OPCML: variants seen among roughly 807,000 people sequenced by gnomAD.
OPCML encodes the protein opioid-binding protein/cell adhesion molecule.
In OPCML, 13 loss-of-function variants were observed where a neutral mutation model predicts 37.8. The observed-to-expected ratio is 0.34, with a 90% CI of 0.22 to 0.55. The LOEUF (loss-of-function observed/expected upper bound fraction) is 0.55. Among genes scored for constraint, OPCML ranks in the 20% least tolerant of loss-of-function variants. The probability of loss-of-function intolerance (pLI) is 0.91; values close to 1 mark genes in which losing one functional copy is unlikely to be tolerated. For missense variants in OPCML, 341 were observed against 435.6 expected (o/e 0.78, Z 1.93); for synonymous variants, 176 against 168.8 (o/e 1.04, Z -0.33).
chr11:132,717,628 C>T (rs1246305584), intron 2 of OPCML, among the ~76,000 whole-genome samples: 6 of 151,942 alleles, frequency 3.9e-5, no homozygotes, highest in African/African-American at 7.3e-5. Context: ...TAACATATAT[C>T]GTATTGTAGT....
chr11:133,310,480 T>C (rs1943041386), intron 1 of OPCML, among the ~76,000 whole-genome samples: 3 of 152,186 alleles, frequency 2.0e-5, no homozygotes, highest in African/African-American at 7.2e-5. Context: ...AGTTATACTT[T>C]ATGGCATAAG....
At chr11:132,522,014 G>T (rs2096295128) in intron 4 of OPCML, among the ~76,000 whole-genome samples, 1 of 152,140 alleles carries the variant, frequency 6.6e-6, no homozygotes, top group Admixed American at 6.5e-5. Context: ...ACTGGCAACT[G>T]CTGGCCTGTT....
chr11:132,996,595 G>A (rs1325493456), intron 1 of OPCML, among the ~76,000 whole-genome samples: 1 of 148,510 alleles, frequency 6.7e-6, no homozygotes, highest in African/African-American at 2.5e-5. Context: ...CTCCAGCCTG[G>A]GCAACAGAGA....
chr11:132,807,249 A>G (rs1421781564), intron 2 of OPCML, among the ~76,000 whole-genome samples: 3 of 152,190 alleles, frequency 2.0e-5, no homozygotes, highest in Non-Finnish European at 4.4e-5. Context: ...TGGAAATACG[A>G]ATACAATTTA....
intron 2 of OPCML, among the ~76,000 whole-genome samples, chr11:132,737,867 A>G (rs1445656322): frequency 6.6e-6 from 1 of 152,234 alleles, no homozygotes; most frequent in Non-Finnish European, 1.5e-5. Context: ...GCAACCAGAG[A>G]TCAAAAGTGG....
At chr11:133,476,972 C>T (rs1371327259) in intron 1 of OPCML, among the ~76,000 whole-genome samples, 1 of 152,134 alleles carries the variant, frequency 6.6e-6, no homozygotes, top group Non-Finnish European at 1.5e-5. Context: ...AGGGGAGAGG[C>T]GGATAAGACT....
At chr11:133,341,203 A>G (rs933198232) in intron 1 of OPCML, among the ~76,000 whole-genome samples, 19 of 152,218 alleles carry the variant, frequency 1.2e-4, no homozygotes, top group Non-Finnish European at 5.9e-5. Flanking sequence ...GTCAACCAAA[A>G]AATGTTAAGC....
intron 4 of OPCML, among the ~76,000 whole-genome samples, chr11:132,494,627 G>T (rs11223090): frequency 3.2e-4 from 49 of 152,244 alleles, no homozygotes; most frequent in African/African-American, 1.1e-3. Context: ...GGAAAAAAAA[G>T]AACTCTAGAA....
chr11:132,471,093 C>G (rs80049234), intron 4 of OPCML, among the ~76,000 whole-genome samples: 16,550 of 152,156 alleles, frequency 0.11, 1,586 homozygotes, highest in East Asian at 0.42. Context: ...GTTAAATGAG[C>G]ATCAAAAAAT....
At chr11:133,340,635 TG>T (rs1407851641) in intron 1 of OPCML, among the ~76,000 whole-genome samples, 1 of 151,292 alleles carries the variant, frequency 6.6e-6, no homozygotes, top group Non-Finnish European at 1.5e-5. Flanking sequence ...TGTGTGTGTG[TG>T]TGTGTGTGTG....
chr11:133,364,764 T>G (rs2136731480), intron 1 of OPCML, among the ~76,000 whole-genome samples: 1 of 151,986 alleles, frequency 6.6e-6, no homozygotes, highest in East Asian at 1.9e-4. Flanking sequence ...TAGTGAGAAC[T>G]CTGAATTTTT....
At chr11:133,117,756 A>T (rs1949358963) in intron 1 of OPCML, 1 of 972,620 alleles carries the variant, frequency 1.0e-6, no homozygotes, top group South Asian at 4.8e-5. Flanking sequence ...GTAATGTACA[A>T]TTGCAATGGA....
chr11:132,933,199 T>C (rs4075476), intron 2 of OPCML, among the ~76,000 whole-genome samples: 49,162 of 151,914 alleles, frequency 0.32, 8,151 homozygotes, highest in Middle Eastern at 0.36. Context: ...AGGAGATGGG[T>C]CCATGAATCC....
Position 133,205,610 on chromosome 11 carries a change from G to A in OPCML, c.62-262600C>T, listed in dbSNP as rs1015144610. Among the ~76,000 whole-genome samples the A allele has an allele frequency of 2.6e-5, 4 of 152,190 alleles. No homozygotes were observed. The highest frequency in any genetic ancestry group is 6.5e-5 in the Admixed American group (1 of 15,288). The stretch of plus-strand genomic sequence containing the variant: ...GAATTGGAGAACGCCCAGTCCTCAC[G>A]ATCATTGCTCAGTTGGTGTGTGGGG... On this transcript the variant is annotated intron_variant, in intron 1 of 7. Transcript: ENST00000524381. The surrounding 1 kb of genome is among the most constrained non-coding windows in gnomAD (Gnocchi z 4.8).
At chr11:133,401,022 G>A (rs908447222) in intron 1 of OPCML, among the ~76,000 whole-genome samples, 3 of 152,138 alleles carry the variant, frequency 2.0e-5, no homozygotes, top group African/African-American at 7.2e-5. Flanking sequence ...CATAAGTTTA[G>A]TTTTCTCCAA....
intron 1 of OPCML, among the ~76,000 whole-genome samples, chr11:133,460,589 A>G (rs1459654168): frequency 6.6e-6 from 1 of 151,944 alleles, no homozygotes; most frequent in Admixed American, 6.6e-5. Flanking sequence ...TTGGATTACC[A>G]AATGAAATGA....
chr11:132,961,826 T>C (rs1216039836), intron 1 of OPCML, among the ~76,000 whole-genome samples: 1 of 152,242 alleles, frequency 6.6e-6, no homozygotes, highest in East Asian at 1.9e-4. Flanking sequence ...TAGCTCCTGT[T>C]GCTTCTGCCA....
chr11:132,732,559 G>T (rs187649797), intron 2 of OPCML, among the ~76,000 whole-genome samples: 3 of 152,282 alleles, frequency 2.0e-5, no homozygotes, highest in Non-Finnish European at 4.4e-5. Context: ...TAGTTAAAAT[G>T]ATGATGATAA....
intron 1 of OPCML, among the ~76,000 whole-genome samples, chr11:133,465,705 C>T (rs1946962272): frequency 6.6e-6 from 1 of 152,144 alleles, no homozygotes; most frequent in African/African-American, 2.4e-5. Flanking sequence ...CTCCCAGTTC[C>T]TCCACTCGTT....
Sources: allele counts gnomAD v4.1 joint callset (sites outside exome capture counted in the v4.1 genomes callset), GRCh38; gene constraint gnomAD v4.1.1; non-coding constraint Gnocchi (gnomAD v3.1); transcripts MANE v1.5; gene names NCBI Gene and HGNC (gene_info 2026-07-23, HGNC 2026-07-21).